Variants in FGFRL1 observed in about 807,000 individuals in gnomAD.
FGFRL1 encodes fibroblast growth factor receptor like 1, also known as fibroblast growth factor receptor-like 1.
In FGFRL1, 24 loss-of-function variants were observed where a neutral mutation model predicts 36.8. That is an observed-to-expected ratio of 0.65 (90% confidence interval 0.47 to 0.92). FGFRL1 has a LOEUF of 0.92. Ranked by LOEUF, FGFRL1 falls within the 40% of genes least tolerant of loss-of-function variation. The pLI is 0.00. For missense variants in FGFRL1, 785 were observed against 753.4 expected (o/e 1.04, Z -0.49); for synonymous variants, 422 against 344.1 (o/e 1.23, Z -2.50).
At position 1,025,371 on chromosome 4, in the gene FGFRL1, A is replaced by G. The variant is rs1245196613; in HGVS notation, c.*24A>G. ...AGACGGCACCGTATCTGCAGTGGGC[A>G]CGGGGGGGCCGGCCAGACAGGCAGA... On this transcript the variant is annotated 3_prime_UTR_variant, in exon 7 of 7. Coordinates refer to ENST00000510644, the MANE Select transcript of FGFRL1 (RefSeq NM_001004356.3). 6.6e-7 allele frequency: 1 copy of G among 1,522,670 alleles called. No homozygotes were observed. The highest frequency in any genetic ancestry group is 8.9e-7 in the Non-Finnish European group (1 of 1,128,126). 94.3% of individuals were successfully genotyped at this position (1,522,670 alleles called of 1,614,324 possible). A position where few individuals can be genotyped will look rare whatever the true frequency, so the allele number is the denominator to read the frequency against.
rs957487572 is a variant in FGFRL1, at chr4:1,011,898, C to T, written c.-73C>T. 4 of 145,402 alleles carry T rather than the reference C, an allele frequency of 2.8e-5. No individual in the cohort carries two copies. Among genetic ancestry groups the T allele is most frequent in the Non-Finnish European group, 6.1e-5 (4 of 65,516 alleles). 9.0% of individuals were successfully genotyped at this position (145,402 alleles called of 1,614,324 possible). A position where few individuals can be genotyped will look rare whatever the true frequency, so the allele number is the denominator to read the frequency against. On this transcript the variant is annotated 5_prime_UTR_variant, in exon 1 of 7. Coordinates refer to ENST00000510644, the MANE Select transcript of FGFRL1 (RefSeq NM_001004356.3). ...GCCCGGGGCGGCGATGACCGCGGAGCGCACGCCGCGGGCCCGGCCCTGACC... is the reference window on the plus strand; with the variant it reads ...GCCCGGGGCGGCGATGACCGCGGAGTGCACGCCGCGGGCCCGGCCCTGACC...
intron 2 of FGFRL1, among the ~76,000 whole-genome samples, chr4:1,013,006 T>G (rs1489027301): frequency 6.6e-6 from 1 of 152,206 alleles, no homozygotes; most frequent in African/African-American, 2.4e-5. Flanking sequence ...GGTAATATAC[T>G]TGGTGTCTGG....
At chr4:1,010,307 G>T (rs374142892), upstream of FGFRL1, 1 of 152,426 alleles carries the variant, frequency 6.6e-6, no homozygotes, top group South Asian at 2.1e-4. Flanking sequence ...GCGGGGGCAG[G>T]ATGGGCCGTC....
In FGFRL1 at chr4:1,023,149, C is replaced by T. The variant is rs770042444; in HGVS notation, c.353-492C>T. Among the ~76,000 whole-genome samples the T allele has an allele frequency of 3.9e-5, 6 of 152,104 alleles. No individual in the cohort carries two copies. Among genetic ancestry groups the T allele is most frequent in the Non-Finnish European group, 7.4e-5 (5 of 67,982 alleles). Reference sequence around the variant, plus strand: ...CCTGGTCCTGGGCTCAGTGAAGGAGCGGCTGTCACAGGGTGGATGGAGGGG... The same window carrying T: ...CCTGGTCCTGGGCTCAGTGAAGGAGTGGCTGTCACAGGGTGGATGGAGGGG... On this transcript the variant is annotated intron_variant, in intron 3 of 6. Coordinates refer to ENST00000510644, the MANE Select transcript of FGFRL1 (RefSeq NM_001004356.3). This position sits in a 1 kb window ranked among gnomAD's most constrained non-coding sequence, Gnocchi z 6.0.
In FGFRL1 at chr4:1,023,755, G is replaced by T. The variant is rs774577735; in HGVS notation, c.433+34G>T. On this transcript the variant is annotated intron_variant, in intron 4 of 6. Coordinates refer to ENST00000510644, the MANE Select transcript of FGFRL1 (RefSeq NM_001004356.3). The surrounding 1 kb of genome is among the most constrained non-coding windows in gnomAD (Gnocchi z 6.0). ...GGGGTGACGGGGGTGGGGGGCGTCC[G>T]TCTGTCCCGGCCCCTTGGCTGCATC... The T allele has an allele frequency of 1.3e-6, 2 of 1,550,370 alleles. No individual in the cohort carries two copies. Among genetic ancestry groups the T allele is most frequent in the Non-Finnish European group, 1.7e-6 (2 of 1,148,228 alleles).
intron 2 of FGFRL1, among the ~76,000 whole-genome samples, chr4:1,020,085 G>C (rs1716091384): frequency 1.3e-5 from 2 of 152,244 alleles, no homozygotes; most frequent in Admixed American, 6.5e-5. Flanking sequence ...CCTGTCCCCA[G>C]ACTTGGGGGT....
chr4:1,013,464 C>T (rs574151815), intron 2 of FGFRL1, among the ~76,000 whole-genome samples: 19 of 152,352 alleles, frequency 1.2e-4, no homozygotes, highest in African/African-American at 4.6e-4. Flanking sequence ...TCCAACCTGG[C>T]CTTATATGGG....
rs148169986 is a variant in FGFRL1, at chr4:1,026,840, C to T, written c.*1493C>T. Reference sequence around the variant, plus strand: ...TCTGTAATTTTATGTAGAGTTTGAGCTGAAGCCCCGTATATTTAATTTATT... The same window carrying T: ...TCTGTAATTTTATGTAGAGTTTGAGTTGAAGCCCCGTATATTTAATTTATT... On this transcript the variant is annotated 3_prime_UTR_variant, in exon 7 of 7. Coordinates refer to ENST00000510644, the MANE Select transcript of FGFRL1 (RefSeq NM_001004356.3). 2.2e-6 allele frequency: 1 copy of T among 455,360 alleles called. No individual in the cohort carries two copies. Among genetic ancestry groups the T allele is most frequent in the South Asian group, 1.6e-5 (1 of 64,288 alleles). 28.2% of individuals were successfully genotyped at this position (455,360 alleles called of 1,614,324 possible). A position where few individuals can be genotyped will look rare whatever the true frequency, so the allele number is the denominator to read the frequency against.
In FGFRL1 at chr4:1,024,728, TCCCACCCACCGGGTGGGGC is replaced by T. The variant is rs967916677; in HGVS notation, c.1072+72_1072+90del. 1.0e-4 allele frequency: 155 copies of T among 1,494,098 alleles called. 3 individuals carry two copies. Among genetic ancestry groups the T allele is most frequent in the South Asian group, 8.5e-4 (67 of 78,674 alleles). 92.6% of individuals were successfully genotyped at this position (1,494,098 alleles called of 1,614,324 possible). On this transcript the variant is annotated intron_variant, in intron 6 of 6. Transcript: ENST00000510644. The stretch of plus-strand genomic sequence containing the variant: ...CCGGACCCGCCCCCTGGGCCCGGCG[TCCCACCCACCGGGTGGGGC>T]CCCACCCTTCCCTCCCGGGCCGTGC...
chr4:1,020,178 C>T (rs1716095787), intron 2 of FGFRL1, among the ~76,000 whole-genome samples: 1 of 152,350 alleles, frequency 6.6e-6, no homozygotes, highest in East Asian at 1.9e-4. Context: ...ATTGGAGGAA[C>T]ACGCGGCCCC....
chr4:1,025,334 A>C lies in FGFRL1; in HGVS notation c.1502A>C (p.His501Pro), dbSNP rs1055085196. The change falls in exon 7 of 7, where the codon CAC becomes CCC. Residue 501 changes from histidine (H) to proline (P), a missense_variant. His to Pro is a moderately conservative substitution (Grantham distance 77). Coordinates refer to ENST00000510644, the MANE Select transcript of FGFRL1 (RefSeq NM_001004356.3). Reference sequence around the variant, plus strand: ...GAGGGCAAGGTCCACCAGCACATCCACTATCAGTGCTAGACGGCACCGTAT... The same window carrying C: ...GAGGGCAAGGTCCACCAGCACATCCCCTATCAGTGCTAGACGGCACCGTAT... ...HVEGKVHQHIHYQC is the reference protein window; with the variant it reads ...HVEGKVHQHIPYQC The C allele has an allele frequency of 2.3e-5, 36 of 1,553,824 alleles. No homozygotes were observed. Among genetic ancestry groups the C allele is most frequent in the Non-Finnish European group, 3.0e-5 (35 of 1,148,500 alleles).
chr4:1,024,189 G>GTGGGCGGGGGCGCTGT, intron 5 of FGFRL1, 88 bp downstream of exon 5: 1 of 1,184,304 alleles, frequency 8.4e-7, no homozygotes, highest in Non-Finnish European at 1.1e-6. Flanking sequence ...GGGGGCGCTG[G>GTGGGCGGGGGCGCTGT]TGGGCGGGGG....
intron 2 of FGFRL1, among the ~76,000 whole-genome samples, chr4:1,013,864 G>A (rs376352623): frequency 4.6e-5 from 7 of 152,280 alleles, no homozygotes; most frequent in Non-Finnish European, 7.3e-5. Flanking sequence ...CACCCCCTTC[G>A]CCTTCGTCCT....
chr4:1,021,771 T>A (rs1716193273), intron 2 of FGFRL1, among the ~76,000 whole-genome samples: 1 of 152,136 alleles, frequency 6.6e-6, no homozygotes, highest in African/African-American at 2.4e-5. Flanking sequence ...CCTACTGCCC[T>A]TGTCCTTGGG....
chr4:1,011,557 ACG>A (rs1174128691), upstream of FGFRL1, among the ~76,000 whole-genome samples: 8 of 130,442 alleles, frequency 6.1e-5, no homozygotes, highest in African/African-American at 2.0e-4. Flanking sequence ...GGGAGGGCTG[ACG>A]CGCGCGGATT....
At chr4:1,016,065 G>T (rs566053790) in intron 2 of FGFRL1, among the ~76,000 whole-genome samples, 132 of 152,342 alleles carry the variant, frequency 8.7e-4, no homozygotes, top group African/African-American at 3.2e-3. Flanking sequence ...TCCTTGAGAA[G>T]TCCGCCATGT....
rs148219913 is a variant in FGFRL1, at chr4:1,013,224, T to A, written c.79+660T>A. Among the ~76,000 whole-genome samples the A allele has an allele frequency of 2.1e-3, 322 of 152,362 alleles. 4 individuals are homozygous for A. In the East Asian group the frequency reaches 0.03, roughly 14 times the overall value. ...CGACATCTAAGTGGCAGCCATGCCC[T>A]GGGACCCAGCCCCAGCAAGGACATC... On this transcript the variant is annotated intron_variant, in intron 2 of 6. Transcript: ENST00000510644.
Position 1,025,470 on chromosome 4 carries a change from G to T in FGFRL1, c.*123G>T, listed in dbSNP as rs528313149. 329 of 1,236,834 alleles carry T rather than the reference G, an allele frequency of 2.7e-4. No individual in the cohort carries two copies. The African/African-American group carries it at 4.4e-3, about 17-fold the overall frequency. The allele number at this position is 1,236,834 out of a possible 1,614,324, so 76.6% of individuals were successfully genotyped here. ...CGAGGAGGAATGGCCAGCACCCCAG[G>T]CAGTCTGTGTGTGAGGCATAGCCCC... is the stretch of plus-strand genomic sequence containing the variant. On this transcript the variant is annotated 3_prime_UTR_variant, in exon 7 of 7. Transcript: ENST00000510644.
At position 1,026,166 on chromosome 4, in the gene FGFRL1, T is replaced by C; in HGVS notation, c.*819T>C. 6.4e-6 allele frequency: 1 copy of C among 155,278 alleles called. No homozygotes were observed. Among genetic ancestry groups the C allele is most frequent in the Middle Eastern group, 3.2e-3 (1 of 310 alleles). 9.6% of individuals were successfully genotyped at this position (155,278 alleles called of 1,614,324 possible). A position where few individuals can be genotyped will look rare whatever the true frequency, so the allele number is the denominator to read the frequency against. On this transcript the variant is annotated 3_prime_UTR_variant, in exon 7 of 7. Coordinates refer to ENST00000510644, the MANE Select transcript of FGFRL1 (RefSeq NM_001004356.3). Reference sequence around the variant, plus strand: ...CAGATATTGCCTGGACACACACATGTGCACAGATATGCTGTCTGGACATGC... The same window carrying C: ...CAGATATTGCCTGGACACACACATGCGCACAGATATGCTGTCTGGACATGC...
Sources: allele counts gnomAD v4.1 joint callset (sites outside exome capture counted in the v4.1 genomes callset), GRCh38; gene constraint gnomAD v4.1.1; non-coding constraint Gnocchi (gnomAD v3.1); transcripts MANE v1.5; gene names NCBI Gene and HGNC (gene_info 2026-07-23, HGNC 2026-07-21).